Variants in CAST observed in about 807,000 individuals in gnomAD.
CAST encodes MIR583 host.
Under a neutral mutation model 119.6 loss-of-function variants are expected in CAST, and 76 were observed. The ratio of observed to expected loss-of-function variants is 0.64; its 90% CI spans 0.53 to 0.77. CAST has a LOEUF of 0.77. Ranked by LOEUF, CAST falls within the 30% of genes least tolerant of loss-of-function variation. The probability of loss-of-function intolerance (pLI) is 0.00; values close to 1 mark genes in which losing one functional copy is unlikely to be tolerated. For synonymous variants in CAST, 319 were observed against 331.6 expected (o/e 0.96, Z 0.41); for missense variants, 953 against 946.5 (o/e 1.01, Z -0.09).
intron 1 of CAST, among the ~76,000 whole-genome samples, chr5:96,671,535 C>G (rs986299712): frequency 6.6e-6 from 1 of 152,126 alleles, no homozygotes; most frequent in Non-Finnish European, 1.5e-5. Context: ...TGGAGAACAT[C>G]GCTGTTCAGA....
At chr5:96,420,738 AG>A in the CAST span, among the ~76,000 whole-genome samples, 1 of 124,674 alleles carries the variant, frequency 8.0e-6, no homozygotes, top group African/African-American at 3.1e-5. Context: ...AGAATAAGGA[AG>A]GGAGGGAGGG....
At chr5:96,059,786 A>G in the CAST span, among the ~76,000 whole-genome samples, 1 of 152,114 alleles carries the variant, frequency 6.6e-6, no homozygotes, top group African/African-American at 2.4e-5. Context: ...GTGGGGTGAG[A>G]GTAGTCATAG....
At chr5:96,099,644 T>A in the CAST span, among the ~76,000 whole-genome samples, 1 of 152,250 alleles carries the variant, frequency 6.6e-6, no homozygotes, top group Non-Finnish European at 1.5e-5. Context: ...TTTGCATGCA[T>A]TGAAACAAAC....
At chr5:95,970,104 A>G in the CAST span, 2 of 152,216 alleles carry the variant, frequency 1.3e-5, no homozygotes, top group African/African-American at 4.8e-5. Context: ...CATCACTCTA[A>G]GTCACTTGCT....
the CAST span, among the ~76,000 whole-genome samples, chr5:96,006,835 T>G: frequency 2.0e-5 from 3 of 152,226 alleles, no homozygotes; most frequent in African/African-American, 4.8e-5. Flanking sequence ...AAATTCTTTT[T>G]TATATTTTAT....
intron 1 of CAST, among the ~76,000 whole-genome samples, chr5:96,583,984 A>C (rs545680747): frequency 6.6e-6 from 1 of 152,166 alleles, no homozygotes; most frequent in Admixed American, 6.5e-5. Context: ...AAGATTTATT[A>C]ATGTTAACCA....
the CAST span, among the ~76,000 whole-genome samples, chr5:96,002,677 A>G: frequency 6.6e-6 from 1 of 152,158 alleles, no homozygotes; most frequent in Non-Finnish European, 1.5e-5. Context: ...CTCCATGCCC[A>G]CATGGAGTGA....
the CAST span, among the ~76,000 whole-genome samples, chr5:96,157,168 C>T: frequency 0.019 from 2,912 of 152,168 alleles, 65 homozygotes; most frequent in African/African-American, 0.058. Context: ...GTTTTTAATA[C>T]AGCCCTTTGA....
At chr5:96,534,791 A>AAGAAAGAAAG (rs1745767428) in intron 1 of CAST, among the ~76,000 whole-genome samples, 1 of 127,644 alleles carries the variant, frequency 7.8e-6, no homozygotes, top group African/African-American at 3.0e-5. Context: ...GAAAGAAAGA[A>AAGAAAGAAAG]AGAAAGAAAG....
At chr5:96,023,121 A>G in the CAST span, among the ~76,000 whole-genome samples, 1 of 152,198 alleles carries the variant, frequency 6.6e-6, no homozygotes, top group Non-Finnish European at 1.5e-5. Flanking sequence ...GATGGAACAG[A>G]TGTCATCTCT....
At chr5:96,256,546 T>A in the CAST span, among the ~76,000 whole-genome samples, 8 of 151,430 alleles carry the variant, frequency 5.3e-5, no homozygotes, top group Non-Finnish European at 1.2e-4. Context: ...AACCTATTGC[T>A]CCTAGGCTAC....
chr5:96,237,748 TAAA>T, the CAST span, among the ~76,000 whole-genome samples: 1 of 152,108 alleles, frequency 6.6e-6, no homozygotes, highest in Non-Finnish European at 1.5e-5. Flanking sequence ...TTTTAACAAT[TAAA>T]AAAATCTACT....
chr5:96,552,570 G>C (rs748621688), intron 1 of CAST, among the ~76,000 whole-genome samples: 44 of 152,128 alleles, frequency 2.9e-4, no homozygotes, highest in Non-Finnish European at 6.3e-4. Context: ...GCTAAGATCA[G>C]AGAAGAACTG....
intron 2 of CAST, among the ~76,000 whole-genome samples, chr5:96,682,270 C>G (rs781537261): frequency 3.3e-5 from 5 of 152,206 alleles, no homozygotes; most frequent in Non-Finnish European, 5.9e-5. Flanking sequence ...TACCCTTGCA[C>G]TCTAGGAGAG....
chr5:96,512,994 T>A, the CAST span, among the ~76,000 whole-genome samples: 1 of 152,198 alleles, frequency 6.6e-6, no homozygotes, highest in African/African-American at 2.4e-5. Context: ...GCACTATGAC[T>A]ACATGAGCAG....
the CAST span, among the ~76,000 whole-genome samples, chr5:96,354,724 TAA>T: frequency 6.7e-6 from 1 of 148,992 alleles, no homozygotes; most frequent in Non-Finnish European, 1.5e-5. Flanking sequence ...ATATAATATA[TAA>T]GATGTTATGC....
the CAST span, among the ~76,000 whole-genome samples, chr5:96,138,852 G>A: frequency 6.6e-6 from 1 of 151,830 alleles, no homozygotes; most frequent in Admixed American, 6.6e-5. Context: ...TTTCTACATG[G>A]ACAATCATTG....
the CAST span, among the ~76,000 whole-genome samples, chr5:96,289,915 A>G: frequency 1.4e-5 from 2 of 140,816 alleles, no homozygotes; most frequent in Non-Finnish European, 3.1e-5. Context: ...TAATTTTGTT[A>G]AAAACTTCTT....
At chr5:96,740,475 C>T (rs1762442744) in intron 12 of CAST, among the ~76,000 whole-genome samples, 1 of 152,116 alleles carries the variant, frequency 6.6e-6, no homozygotes, top group African/African-American at 2.4e-5. Flanking sequence ...TCCTTCTGTG[C>T]TTCTATGCAT....
Sources: allele counts gnomAD v4.1 joint callset (sites outside exome capture counted in the v4.1 genomes callset), GRCh38; gene constraint gnomAD v4.1.1; transcripts MANE v1.5; gene names NCBI Gene and HGNC (gene_info 2026-07-23, HGNC 2026-07-21).